The following HOATZ variants were observed in gnomAD, a reference collection of about 807,000 sequenced individuals.
HOATZ encodes HOATZ cilia and flagella associated protein.
A neutral mutation model predicts 24.9 loss-of-function variants in HOATZ; 26 were observed. The ratio of observed to expected loss-of-function variants is 1.04; its 90% CI spans 0.76 to 1.45. The LOEUF is 1.45. HOATZ is among the 40% of genes most tolerant of loss of function. The probability of loss-of-function intolerance (pLI) is 0.00; values close to 1 mark genes in which losing one functional copy is unlikely to be tolerated. For missense variants in HOATZ, 226 were observed against 201.5 expected (o/e 1.12, Z -0.74); for synonymous variants, 83 against 76.6 (o/e 1.08, Z -0.43).
Position 111,536,919 on chromosome 11 carries a change from C to T in HOATZ, c.*92C>T. On this transcript the variant is annotated 3_prime_UTR_variant, in exon 6 of 6. Transcript: ENST00000375618. ...TCAGGATCATTGAGATCACTGGCAACATTATAGTAGACAAAGAAATACAAG... is the reference window on the plus strand; with the variant it reads ...TCAGGATCATTGAGATCACTGGCAATATTATAGTAGACAAAGAAATACAAG... 1.0e-6 allele frequency: 1 copy of T among 968,362 alleles called. No homozygotes were observed. 60.0% of individuals were successfully genotyped at this position (968,362 alleles called of 1,614,324 possible).
At position 111,536,886 on chromosome 11, in the gene HOATZ, C is replaced by T; in HGVS notation, c.*59C>T. ...ATACCTTCACTTTGGAAACAACCTT[C>T]TCTTAGATCAGGATCATTGAGATCA... On this transcript the variant is annotated 3_prime_UTR_variant, in exon 6 of 6. Coordinates refer to ENST00000375618, the MANE Select transcript of HOATZ (RefSeq NM_001100388.2). The T allele has an allele frequency of 7.6e-7, 1 of 1,319,540 alleles. No homozygotes were observed. Among genetic ancestry groups the T allele is most frequent in the Non-Finnish European group, 1.1e-6 (1 of 912,604 alleles). 81.7% of individuals were successfully genotyped at this position (1,319,540 alleles called of 1,614,324 possible).
At chr11:111,515,198 T>C (rs1228989557) in intron 1 of HOATZ, 188 bp downstream of exon 1, 3 of 607,290 alleles carry the variant, frequency 4.9e-6, no homozygotes, top group Non-Finnish European at 8.7e-6. Flanking sequence ...CAGTGGTATA[T>C]ATGTTACATC....
chr11:111,515,926 G>T, intron 2 of HOATZ, 114 bp from the exon 3 acceptor site: 1 of 673,606 alleles, frequency 1.5e-6, no homozygotes, highest in Non-Finnish European at 2.5e-6. Context: ...ATGTATTTTT[G>T]TTTACCTTCC....
At chr11:111,523,938 C>T (rs1867301358) in intron 3 of HOATZ, among the ~76,000 whole-genome samples, 1 of 152,174 alleles carries the variant, frequency 6.6e-6, no homozygotes. Flanking sequence ...CCTTGAAATA[C>T]AGTACTGTGG....
rs148174538 is a variant in HOATZ, at chr11:111,531,013, A to G, written c.340-2733A>G. 6.4e-4 allele frequency among the ~76,000 whole-genome samples: 97 copies of G among 152,324 alleles called. No individual in the cohort carries two copies. The East Asian group carries it at 0.017, about 27-fold the overall frequency. On this transcript the variant is annotated intron_variant, in intron 3 of 5. Coordinates refer to ENST00000375618, the MANE Select transcript of HOATZ (RefSeq NM_001100388.2). ...CCAAAGTCCTTTATAATAAAAAATAACTTGAAGTCAAGGAAAAAAATGAAT... is the reference window on the plus strand; with the variant it reads ...CCAAAGTCCTTTATAATAAAAAATAGCTTGAAGTCAAGGAAAAAAATGAAT...
At chr11:111,529,833 A>G (rs979512186) in intron 3 of HOATZ, among the ~76,000 whole-genome samples, 1 of 152,170 alleles carries the variant, frequency 6.6e-6, no homozygotes, top group South Asian at 2.1e-4. Context: ...AAGAAAGTTG[A>G]TAACACACCA....
intron 1 of HOATZ, 59 bp downstream of exon 1, chr11:111,515,069 G>T: frequency 8.1e-7 from 1 of 1,241,304 alleles, no homozygotes; most frequent in Non-Finnish European, 1.2e-6. Context: ...TGGCCTGCAG[G>T]TACCAGAGCC....
At position 111,514,924 on chromosome 11, in the gene HOATZ, A is replaced by G; in HGVS notation, c.140A>G (p.Tyr47Cys). 2 of 1,614,048 alleles carry G rather than the reference A, an allele frequency of 1.2e-6. No homozygotes were observed. The highest frequency in any genetic ancestry group is 1.7e-6 in the Non-Finnish European group (2 of 1,180,016). The change falls in exon 1 of 6, where the codon TAT (tyrosine) becomes TGT (cysteine). Residue 47 changes from tyrosine to cysteine, a missense_variant. By Grantham distance (194) the Tyr-to-Cys change is radical. Transcript: ENST00000375618. The stretch of plus-strand genomic sequence containing the variant: ...CAGTTCTGGATCTCGGCGTCGATGT[A>G]TCCCCCTAGCGAATCTCAGCTGGTG... Reference protein sequence around the residue: ...AKQFWISASMYPPSESQLVLR... With the variant: ...AKQFWISASMCPPSESQLVLR...
chr11:111,535,554 G>A (rs939178931), intron 5 of HOATZ: 3 of 152,146 alleles, frequency 2.0e-5, no homozygotes, highest in African/African-American at 7.2e-5. Context: ...TAATTTAAAT[G>A]CTTACTTAAT....
intron 3 of HOATZ, among the ~76,000 whole-genome samples, chr11:111,531,747 T>C (rs1255251565): frequency 6.6e-6 from 1 of 152,166 alleles, no homozygotes; most frequent in African/African-American, 2.4e-5. Flanking sequence ...TGTAGGCTTA[T>C]AAAAGGCAAG....
chr11:111,520,621 G>T (rs893032187), intron 3 of HOATZ, among the ~76,000 whole-genome samples: 1 of 152,174 alleles, frequency 6.6e-6, no homozygotes, highest in Non-Finnish European at 1.5e-5. Flanking sequence ...CTCCTTCCAT[G>T]ATTTCACTTT....
chr11:111,531,680 C>T (rs1867394785), intron 3 of HOATZ, among the ~76,000 whole-genome samples: 1 of 152,094 alleles, frequency 6.6e-6, no homozygotes, highest in Non-Finnish European at 1.5e-5. Context: ...ATATATGATG[C>T]CTAAAGCTCA....
intron 3 of HOATZ, among the ~76,000 whole-genome samples, chr11:111,527,640 G>C (rs758684574): frequency 7.2e-5 from 11 of 152,174 alleles, no homozygotes; most frequent in South Asian, 2.1e-4. Flanking sequence ...TAGATAATTT[G>C]AGGTCCAACA....
At chr11:111,535,118 C>T (rs1289493045) in intron 5 of HOATZ, 1 of 152,072 alleles carries the variant, frequency 6.6e-6, no homozygotes, top group African/African-American at 2.4e-5. Flanking sequence ...CTGGGAGAAA[C>T]AGAAAGTGAT....
chr11:111,534,856 G>C (rs1867433504), intron 5 of HOATZ: 1 of 177,352 alleles, frequency 5.6e-6, no homozygotes, highest in Admixed American at 5.8e-5. Flanking sequence ...AGCTCTGAGT[G>C]GGCTAAGGTT....
At chr11:111,527,444 T>C (rs73555139) in intron 3 of HOATZ, among the ~76,000 whole-genome samples, 2,423 of 152,306 alleles carry the variant, frequency 0.016, 66 homozygotes, top group African/African-American at 0.055. Flanking sequence ...CCAGGAGGTA[T>C]AGAAAGGTGC....
rs1166946277 is a variant in HOATZ at position 111,534,433 on chromosome 11, T to C, written c.421T>C (p.Tyr141His). ...TCAGAAAGAACTGATTTCCCTTCCG[T>C]ATAAACCAAAAGCCAAAGAACACAA... ...RISKELISLP[Y>H]KPKAKEHKAK... Residue 141 changes from tyrosine (Y) to histidine (H), a missense_variant, in exon 5 of 6, where the codon TAT becomes CAT. Tyr to His is a moderately conservative substitution (Grantham distance 83). Coordinates refer to ENST00000375618, the MANE Select transcript of HOATZ (RefSeq NM_001100388.2). 2 of 1,612,102 alleles carry C rather than the reference T, an allele frequency of 1.2e-6. No homozygotes were observed. Among genetic ancestry groups the C allele is most frequent in the African/African-American group, 2.7e-5 (2 of 74,882 alleles).
chr11:111,536,099 C>G (rs943032650), intron 5 of HOATZ: 1 of 152,130 alleles, frequency 6.6e-6, no homozygotes, highest in Non-Finnish European at 1.5e-5. Context: ...ACTGTAAGCT[C>G]CATGAGGAAT....
rs547488299 is a variant in HOATZ, at chr11:111,527,242, C to A, written c.340-6504C>A. Among the ~76,000 whole-genome samples the A allele has an allele frequency of 1.6e-3, 247 of 152,138 alleles. 2 individuals carry two copies. The highest frequency in any genetic ancestry group is 5.8e-3 in the African/African-American group (239 of 41,484). ...TCTAAGAAAATATATGTAACAGAACCAAGAAAATACACATTTTTTTCTTCC... is the reference window on the plus strand; with the variant it reads ...TCTAAGAAAATATATGTAACAGAACAAAGAAAATACACATTTTTTTCTTCC... On this transcript the variant is annotated intron_variant, in intron 3 of 5. Coordinates refer to ENST00000375618, the MANE Select transcript of HOATZ (RefSeq NM_001100388.2).
Sources: allele counts gnomAD v4.1 joint callset (sites outside exome capture counted in the v4.1 genomes callset), GRCh38; gene constraint gnomAD v4.1.1; transcripts MANE v1.5; gene names NCBI Gene and HGNC (gene_info 2026-07-23, HGNC 2026-07-21).